CDH18: variants seen among roughly 807,000 people sequenced by gnomAD.
CDH18 encodes the protein cadherin-18.
In CDH18, 31 loss-of-function variants were observed where a neutral mutation model predicts 67.9. That is an observed-to-expected ratio of 0.46 (90% CI 0.34 to 0.62). The LOEUF (loss-of-function observed/expected upper bound fraction) is 0.62, where lower values mean the gene tolerates loss of function less well. Among genes scored for constraint, CDH18 ranks in the 20% least tolerant of loss-of-function variants. CDH18 has a pLI of 0.01. For missense variants in CDH18, 890 were observed against 975.5 expected, an observed-to-expected ratio of 0.91 and a Z score of 1.17; for synonymous variants, 362 against 347.2, an observed-to-expected ratio of 1.04 and a Z score of -0.48.
At chr5:19,767,287 C>T (rs981115523) in intron 3 of CDH18, among the ~76,000 whole-genome samples, 13 of 151,424 alleles carry the variant, frequency 8.6e-5, no homozygotes, top group African/African-American at 2.2e-4. Context: ...ACAAATAATA[C>T]GTATGACAAA....
At chr5:19,484,620 G>A (rs555380129) in intron 11 of CDH18, among the ~76,000 whole-genome samples, 153 of 152,234 alleles carry the variant, frequency 1.0e-3, no homozygotes, top group South Asian at 1.7e-3. Context: ...TATAACTAAC[G>A]ACTCACTGCT....
At chr5:20,095,392 G>GAGAAAGA (rs1717663335) in intron 2 of CDH18, among the ~76,000 whole-genome samples, 1 of 64,126 alleles carries the variant, frequency 1.6e-5, no homozygotes, top group Non-Finnish European at 3.0e-5. Flanking sequence ...AAGAGAAACA[G>GAGAAAGA]AAGAAAGAAA....
intron 5 of CDH18, among the ~76,000 whole-genome samples, chr5:19,668,907 C>T (rs930587146): frequency 6.6e-6 from 1 of 151,566 alleles, no homozygotes; most frequent in Non-Finnish European, 1.5e-5. Context: ...TATTATAATT[C>T]TTGAGATTAT....
intron 2 of CDH18, among the ~76,000 whole-genome samples, chr5:19,858,135 A>C (rs1188763438): frequency 6.6e-6 from 1 of 152,076 alleles, no homozygotes; most frequent in Non-Finnish European, 1.5e-5. Context: ...TTATCAGTAC[A>C]TTTAAGATGT....
chr5:20,397,599 T>C (rs1422514158), intron 1 of CDH18, among the ~76,000 whole-genome samples: 2 of 152,178 alleles, frequency 1.3e-5, no homozygotes, highest in East Asian at 1.9e-4. Flanking sequence ...TTCATGTCAA[T>C]GATCATGTAC....
At chr5:20,055,842 T>A (rs1255602412) in intron 2 of CDH18, among the ~76,000 whole-genome samples, 1 of 152,132 alleles carries the variant, frequency 6.6e-6, no homozygotes, top group Non-Finnish European at 1.5e-5. Flanking sequence ...GTCCTTTACA[T>A]TAATAACAGG....
rs536990851 is a variant in CDH18, at chr5:20,560,011, A to G, written c.-580+15451T>C. On this transcript the variant is annotated intron_variant, in intron 1 of 14. Coordinates refer to the CDH18 transcript ENST00000507958. The stretch of plus-strand genomic sequence containing the variant: ...TTTCACTCATAGGGTTGATCACTGC[A>G]AATGACTTTATTGACCCATGGTTTG... Among the ~76,000 whole-genome samples the G allele has an allele frequency of 6.6e-5, 10 of 152,242 alleles. No individual in the cohort carries two copies. In the South Asian group the frequency reaches 1.2e-3, roughly 19 times the overall value.
At chr5:20,463,702 G>C (rs1751432468) in intron 1 of CDH18, among the ~76,000 whole-genome samples, 1 of 152,124 alleles carries the variant, frequency 6.6e-6, no homozygotes, top group African/African-American at 2.4e-5. Flanking sequence ...TGAGATTTAG[G>C]TGGGGACACA....
At chr5:20,514,943 T>C (rs1175503353) in intron 1 of CDH18, among the ~76,000 whole-genome samples, 2 of 151,924 alleles carry the variant, frequency 1.3e-5, no homozygotes, top group Non-Finnish European at 2.9e-5. Flanking sequence ...TATTTCCTAC[T>C]CCTAAACAAT....
In CDH18 at chr5:19,473,215, G is replaced by A. The variant is rs1430616397; in HGVS notation, c.*11C>T. The A allele has an allele frequency of 4.3e-6, 7 of 1,610,298 alleles. No individual in the cohort carries two copies. Among genetic ancestry groups the A allele is most frequent in the Non-Finnish European group, 5.9e-6 (7 of 1,177,534 alleles). On this transcript the variant is annotated 3_prime_UTR_variant, in exon 13 of 13. Coordinates refer to ENST00000382275, the MANE Select transcript of CDH18 (RefSeq NM_004934.5). Reference sequence around the variant, plus strand: ...GGAAGCAAATTCCACAAGGTTGCAAGAACTGACCCCCTAAGTTGTTCTTTC... The same window carrying A: ...GGAAGCAAATTCCACAAGGTTGCAAAAACTGACCCCCTAAGTTGTTCTTTC...
At chr5:19,620,216 A>G (rs530600220) in intron 5 of CDH18, among the ~76,000 whole-genome samples, 1 of 152,344 alleles carries the variant, frequency 6.6e-6, no homozygotes, top group South Asian at 2.1e-4. Context: ...TCTGCTGAGG[A>G]GAAAAGGAAG....
intron 2 of CDH18, among the ~76,000 whole-genome samples, chr5:20,087,853 A>T (rs537142192): frequency 7.2e-5 from 11 of 152,310 alleles, no homozygotes; most frequent in Admixed American, 7.2e-4. Flanking sequence ...TCTCTGAGAT[A>T]TGTCTGTAAC....
chr5:20,067,033 TAA>T (rs1342051305), intron 2 of CDH18, among the ~76,000 whole-genome samples: 7 of 151,274 alleles, frequency 4.6e-5, no homozygotes, highest in Non-Finnish European at 7.4e-5. Flanking sequence ...CAGTAAAAAA[TAA>T]TACAAATAAA....
intron 3 of CDH18, among the ~76,000 whole-genome samples, chr5:19,804,320 A>AAAAT (rs752740902): frequency 4.6e-5 from 7 of 151,560 alleles, no homozygotes; most frequent in Non-Finnish European, 8.8e-5. Context: ...AAAAATAAAT[A>AAAAT]AAATAAATAA....
intron 2 of CDH18, among the ~76,000 whole-genome samples, chr5:20,129,911 G>T (rs1749123664): frequency 6.6e-6 from 1 of 151,548 alleles, no homozygotes; most frequent in Non-Finnish European, 1.5e-5. Flanking sequence ...TCTAAAATTG[G>T]GCACTACATA....
chr5:19,676,773 T>G (rs1337620217), intron 5 of CDH18, among the ~76,000 whole-genome samples: 3 of 151,818 alleles, frequency 2.0e-5, no homozygotes, highest in African/African-American at 4.8e-5. Context: ...AAGCACACTG[T>G]GCATGCAGGC....
chr5:20,569,317 T>A (rs973399844), intron 1 of CDH18, among the ~76,000 whole-genome samples: 1 of 152,140 alleles, frequency 6.6e-6, no homozygotes, highest in Non-Finnish European at 1.5e-5. Flanking sequence ...ATATTCTGAA[T>A]CATTCCTTCA....
At chr5:20,034,992 G>A (rs1476837713) in intron 2 of CDH18, among the ~76,000 whole-genome samples, 5 of 152,000 alleles carry the variant, frequency 3.3e-5, no homozygotes, top group African/African-American at 9.7e-5. Flanking sequence ...TAAGTGCACT[G>A]GTTGCTTTCA....
At chr5:20,173,625 A>G (rs1737013991) in intron 2 of CDH18, among the ~76,000 whole-genome samples, 1 of 152,114 alleles carries the variant, frequency 6.6e-6, no homozygotes, top group African/African-American at 2.4e-5. Flanking sequence ...CACTGACTAG[A>G]GTATGTAGAT....
Sources: allele counts gnomAD v4.1 joint callset (sites outside exome capture counted in the v4.1 genomes callset), GRCh38; gene constraint gnomAD v4.1.1; transcripts MANE v1.5; gene names NCBI Gene and HGNC (gene_info 2026-07-23, HGNC 2026-07-21).